The following NUDT16L1 variants were observed in gnomAD, a reference collection of about 807,000 sequenced individuals.
The protein encoded by NUDT16L1 is nudix hydrolase 16 like 1.
Under a neutral mutation model 17.3 loss-of-function variants are expected in NUDT16L1, and 19 were observed. The ratio of observed to expected loss-of-function variants is 1.10; its 90% CI spans 0.77 to 1.61. The LOEUF (loss-of-function observed/expected upper bound fraction) is 1.61. Ranked by LOEUF, NUDT16L1 falls within the 40% of genes most tolerant of loss-of-function variation. The probability of loss-of-function intolerance (pLI) is 0.00; values close to 1 mark genes in which losing one functional copy is unlikely to be tolerated. For missense variants in NUDT16L1, 341 were observed against 292.0 expected (o/e 1.17, Z -1.22); for synonymous variants, 255 against 138.6 (o/e 1.84, Z -5.90).
exon 3 of NUDT16L1, chr16:4,695,126 G>C: frequency 1.2e-6 from 2 of 1,612,616 alleles, no homozygotes; most frequent in Non-Finnish European, 1.7e-6. Context: ...CCTGGCTGCA[G>C]CCACCGAGAA....
chr16:4,694,560 G>C (rs577339696), intron 2 of NUDT16L1: 46 of 1,453,808 alleles, frequency 3.2e-5, no homozygotes, highest in African/African-American at 8.6e-5. Flanking sequence ...GGGGAGTTGG[G>C]AAACTTGAGC....
In NUDT16L1 at chr16:4,694,744, G is replaced by A. The variant is rs1292318715; in HGVS notation, c.415-214G>A. ...TGGCCTGGGTACGAGGGGGGGGAGT[G>A]CATGGGGTCAGCCTCCACACTTGCT... On this transcript the variant is annotated intron_variant, in intron 2 of 2. Transcript: ENST00000304301. The A allele has an allele frequency of 2.7e-5, 38 of 1,426,490 alleles. 1 individual carries two copies. The South Asian group carries it at 5.6e-4, about 21-fold the overall frequency. 88.4% of individuals were successfully genotyped at this position (1,426,490 alleles called of 1,614,324 possible). A position where few individuals can be genotyped will look rare whatever the true frequency, so the allele number is the denominator to read the frequency against.
exon 1 of NUDT16L1, chr16:4,693,791 C>A: frequency 6.4e-7 from 1 of 1,570,086 alleles, no homozygotes; most frequent in Admixed American, 1.8e-5. Flanking sequence ...CGCCTAGGGC[C>A]GGGCTGGAGC....
chr16:4,694,975 G>C, exon 3 of NUDT16L1: 1 of 1,610,374 alleles, frequency 6.2e-7, no homozygotes, highest in Non-Finnish European at 8.5e-7. Flanking sequence ...GCCTCGTGCG[G>C]GTCCCGCTGT....
At chr16:4,695,063 C>A (rs2079513069) in exon 3 of NUDT16L1, 1 of 1,613,516 alleles carries the variant, frequency 6.2e-7, no homozygotes, top group Admixed American at 1.7e-5. Flanking sequence ...GTGCCAGCTC[C>A]TCTTTGCCCT....
intron 2 of NUDT16L1, 88 bp from the exon 3 acceptor site, chr16:4,694,870 C>A (rs768291511): frequency 1.3e-5 from 19 of 1,508,938 alleles, no homozygotes; most frequent in Non-Finnish European, 1.6e-5. Context: ...GCTGCTCATA[C>A]CCTGGCCTCA....
exon 3 of NUDT16L1, chr16:4,695,390 C>A (rs1046165248): frequency 3.3e-6 from 2 of 603,880 alleles, no homozygotes; most frequent in South Asian, 4.0e-5. Context: ...CAGGGTGGTC[C>A]GGGCACACTG....
At chr16:4,694,157 C>T (rs746692589) in exon 2 of NUDT16L1, 7 of 1,585,902 alleles carry the variant, frequency 4.4e-6, no homozygotes, top group Admixed American at 3.4e-5. Context: ...TCGTGGCGCA[C>T]CTGTACGCGC....
chr16:4,695,570 G>C (rs925611172), exon 3 of NUDT16L1: 4 of 452,460 alleles, frequency 8.8e-6, no homozygotes, highest in African/African-American at 7.9e-5. Flanking sequence ...AGGATGCCTT[G>C]TCTCGGTCAG....
At chr16:4,693,791 C>T (rs1181008206) in exon 1 of NUDT16L1, 3 of 1,570,086 alleles carry the variant, frequency 1.9e-6, no homozygotes, top group Non-Finnish European at 2.6e-6. Context: ...CGCCTAGGGC[C>T]GGGCTGGAGC....
At chr16:4,695,839 A>C in exon 3 of NUDT16L1, 1 of 347,692 alleles carries the variant, frequency 2.9e-6, no homozygotes, top group Non-Finnish European at 5.2e-6. Context: ...GTCGCTCCGC[A>C]GCTGCTCTGT....
intron 1 of NUDT16L1, 34 bp downstream of exon 1, chr16:4,693,913 G>C (rs755956459): frequency 3.4e-6 from 5 of 1,489,054 alleles, no homozygotes; most frequent in Middle Eastern, 1.7e-4. Context: ...CGAGGGTGCC[G>C]GCGCGGGCGG....
At chr16:4,694,586 A>C (rs541658926) in intron 2 of NUDT16L1, 75 of 1,437,212 alleles carry the variant, frequency 5.2e-5, no homozygotes, top group Middle Eastern at 1.8e-4. Flanking sequence ...GGGGGTTGTA[A>C]AACTTGGGAA....
intron 2 of NUDT16L1, 38 bp downstream of exon 2, chr16:4,694,276 G>A (rs2079485382): frequency 2.0e-6 from 3 of 1,465,512 alleles, no homozygotes; most frequent in Admixed American, 5.0e-5. Context: ...CCGCCCCGGG[G>A]TTTGGCTCTG....
upstream of NUDT16L1, chr16:4,693,647 C>T (rs1252240770): frequency 4.5e-6 from 6 of 1,321,302 alleles, no homozygotes; most frequent in African/African-American, 4.6e-5. Flanking sequence ...GCGCGGCCGC[C>T]CGCGGATTGG....
chr16:4,694,866 C>T (rs2079504903), intron 2 of NUDT16L1, 92 bp from the exon 3 acceptor site: 3 of 1,498,178 alleles, frequency 2.0e-6, no homozygotes, highest in East Asian at 2.5e-5. Flanking sequence ...GCTGGCTGCT[C>T]ATACCCTGGC....
chr16:4,694,072 G>T (rs927713100), exon 2 of NUDT16L1: 1 of 1,589,804 alleles, frequency 6.3e-7, no homozygotes, highest in Non-Finnish European at 8.5e-7. Flanking sequence ...CGGGTGCTGG[G>T]CCTGGGCCTG....
At chr16:4,694,089 C>T (rs755124752) in exon 2 of NUDT16L1, 18 of 1,591,682 alleles carry the variant, frequency 1.1e-5, no homozygotes, top group Admixed American at 3.4e-5. Flanking sequence ...CCTGGGCTGC[C>T]TGCGCCTCAC....
rs536707406 is a variant in NUDT16L1, at chr16:4,694,396, G to C, written c.414+158G>C. On this transcript the variant is annotated intron_variant, in intron 2 of 2. Coordinates refer to ENST00000304301, the Ensembl canonical transcript of NUDT16L1. ...GGGTGGGGAGAGGGGTCTGGGGCTGGGAGGCCGGGAAAGGAGGGGCGGGGG... is the reference window on the plus strand; with the variant it reads ...GGGTGGGGAGAGGGGTCTGGGGCTGCGAGGCCGGGAAAGGAGGGGCGGGGG... 12 of 1,486,612 alleles carry C rather than the reference G, an allele frequency of 8.1e-6. No individual in the cohort carries two copies. In the South Asian group the frequency reaches 1.2e-4, roughly 14 times the overall value. The allele number at this position is 1,486,612 out of a possible 1,614,324, so 92.1% of individuals were successfully genotyped here.
Sources: allele counts gnomAD v4.1 joint callset, GRCh38; gene constraint gnomAD v4.1.1; transcripts MANE v1.5; gene names NCBI Gene and HGNC (gene_info 2026-07-23, HGNC 2026-07-21).